Variants in METTL25 observed in about 807,000 individuals in gnomAD.
METTL25 encodes probable methyltransferase-like protein 25.
In METTL25, 64 loss-of-function variants were observed where a neutral mutation model predicts 71.6. The observed-to-expected ratio is 0.89, with a 90% CI of 0.73 to 1.10. METTL25 has a LOEUF of 1.10. Among genes scored for constraint, METTL25 ranks in the 50% least tolerant of loss-of-function variants. The probability of loss-of-function intolerance (pLI) is 0.00; values close to 1 mark genes in which losing one functional copy is unlikely to be tolerated. For missense variants in METTL25, 807 were observed against 707.0 expected, an observed-to-expected ratio of 1.14 and a Z score of -1.60; for synonymous variants, 287 against 250.3, an observed-to-expected ratio of 1.15 and a Z score of -1.38.
rs898530264 is a variant in METTL25, at chr12:82,477,753, A to G, written c.1719+401A>G. Among the ~76,000 whole-genome samples, 72 of 151,912 alleles carry G rather than the reference A, an allele frequency of 4.7e-4. 1 individual carries two copies. The highest frequency in any genetic ancestry group is 1.6e-3 in the African/African-American group (65 of 41,552). Reference sequence around the variant, plus strand: ...TGGCCATATGGATTCTGCAGAATAGAAACTTCTTTCTGATCAAGGAAGATT... The same window carrying G: ...TGGCCATATGGATTCTGCAGAATAGGAACTTCTTTCTGATCAAGGAAGATT... On this transcript the variant is annotated intron_variant, in intron 11 of 11. Transcript: ENST00000248306.
chr12:82,365,530 A>G (rs10219540), intron 1 of METTL25, among the ~76,000 whole-genome samples: 140,749 of 152,278 alleles, frequency 0.92, 65,368 homozygotes, highest in East Asian at 1. Flanking sequence ...TTAAGATTTC[A>G]TTATAGCTCC....
chr12:82,369,310 G>T, intron 1 of METTL25: 2 of 272,580 alleles, frequency 7.3e-6, no homozygotes, highest in Non-Finnish European at 7.3e-6. Context: ...GTGTGTCCTG[G>T]TGTGTAGGAT....
intron 1 of METTL25, among the ~76,000 whole-genome samples, chr12:82,375,752 GC>G: frequency 6.6e-6 from 1 of 152,256 alleles, no homozygotes; most frequent in African/African-American, 2.4e-5. Flanking sequence ...CTCTTTTATG[GC>G]CTTTATAATA....
intron 1 of METTL25, among the ~76,000 whole-genome samples, chr12:82,372,941 C>G (rs1883415091): frequency 6.6e-6 from 1 of 152,162 alleles, no homozygotes; most frequent in African/African-American, 2.4e-5. Flanking sequence ...CTCACCGACG[C>G]AGCAGCAGAA....
intron 8 of METTL25, among the ~76,000 whole-genome samples, chr12:82,444,223 A>C (rs758068935): frequency 8.5e-5 from 13 of 152,210 alleles, no homozygotes; most frequent in Non-Finnish European, 1.5e-4. Flanking sequence ...CAAACTTCTC[A>C]GTGGAAAATT....
intron 1 of METTL25, among the ~76,000 whole-genome samples, chr12:82,381,593 T>G (rs1884449496): frequency 1.3e-5 from 2 of 152,228 alleles, no homozygotes; most frequent in African/African-American, 4.8e-5. Flanking sequence ...ATATTCTATT[T>G]TCTTCCCTTG....
At chr12:82,446,656 G>T (rs542208746) in intron 8 of METTL25, among the ~76,000 whole-genome samples, 1 of 142,062 alleles carries the variant, frequency 7.0e-6, no homozygotes, top group African/African-American at 2.6e-5. Flanking sequence ...TCGCTCTGTC[G>T]CCCAGGCTGG....
At position 82,438,720 on chromosome 12, in the gene METTL25, G is replaced by T; in HGVS notation, c.1407G>T (p.Leu469=). The T allele has an allele frequency of 6.8e-7, 1 of 1,463,814 alleles. No individual in the cohort carries two copies. Among genetic ancestry groups the T allele is most frequent in the Non-Finnish European group, 9.1e-7 (1 of 1,100,690 alleles). 90.7% of individuals were successfully genotyped at this position (1,463,814 alleles called of 1,614,324 possible). A position where few individuals can be genotyped will look rare whatever the true frequency, so the allele number is the denominator to read the frequency against. Residue 469 remains leucine (L), a splice_region_variant and synonymous_variant, in exon 8 of 12, where the codon CTG becomes CTT. Transcript: ENST00000248306. ...ATATATGTCTACATTTTTTTCAGCT[G>T]CCTACTGAATCACTCTTCTATCGTG... ...ALERVAAGQG[L]PTESLFYRAV... is the part of the protein sequence containing the mutation.
chr12:82,441,084 T>C (rs1165423662), intron 8 of METTL25, among the ~76,000 whole-genome samples: 2 of 152,024 alleles, frequency 1.3e-5, no homozygotes, highest in African/African-American at 4.8e-5. Context: ...AGTAAACCAC[T>C]CATACTTTGA....
chr12:82,424,737 G>C (rs902545596), intron 5 of METTL25, among the ~76,000 whole-genome samples: 3 of 151,904 alleles, frequency 2.0e-5, no homozygotes, highest in African/African-American at 7.3e-5. Context: ...AGTTAAGATG[G>C]AGTCATCATA....
At chr12:82,424,346 T>C (rs1181659460) in intron 5 of METTL25, among the ~76,000 whole-genome samples, 2 of 150,860 alleles carry the variant, frequency 1.3e-5, no homozygotes, top group Non-Finnish European at 2.9e-5. Flanking sequence ...TGAGAACACT[T>C]GGACACAGGA....
chr12:82,374,695 G>T (rs1338674265), intron 1 of METTL25, among the ~76,000 whole-genome samples: 1 of 152,176 alleles, frequency 6.6e-6, no homozygotes, highest in African/African-American at 2.4e-5. Flanking sequence ...CATTCCAAGT[G>T]TATAGAACAG....
At chr12:82,469,266 C>T (rs1315590969) in intron 9 of METTL25, among the ~76,000 whole-genome samples, 2 of 152,064 alleles carry the variant, frequency 1.3e-5, no homozygotes, top group Non-Finnish European at 2.9e-5. Context: ...TGTTGAGAGA[C>T]CTTCTGTGTT....
At chr12:82,359,756 T>C (rs556558463) in intron 1 of METTL25, among the ~76,000 whole-genome samples, 9 of 152,354 alleles carry the variant, frequency 5.9e-5, no homozygotes, top group African/African-American at 2.2e-4. Context: ...ATTTTGGAAG[T>C]AGAATGATGG....
intron 3 of METTL25, among the ~76,000 whole-genome samples, chr12:82,390,159 A>G (rs772383809): frequency 6.6e-5 from 10 of 152,194 alleles, no homozygotes; most frequent in Non-Finnish European, 1.2e-4. Flanking sequence ...GTTTTGCCAC[A>G]CATTTCATTC....
intron 3 of METTL25, 45 bp from the exon 4 acceptor site, chr12:82,398,750 C>G: frequency 7.6e-7 from 1 of 1,319,048 alleles, no homozygotes; most frequent in South Asian, 2.2e-5. Context: ...TTTCTATTAC[C>G]ATTTGCCTAA....
At chr12:82,416,992 G>T (rs1006564159) in intron 5 of METTL25, among the ~76,000 whole-genome samples, 2 of 151,998 alleles carry the variant, frequency 1.3e-5, no homozygotes, top group African/African-American at 4.8e-5. Context: ...AAATTCTAAG[G>T]TGGGAAATGA....
At chr12:82,373,611 A>G (rs1202515185) in intron 1 of METTL25, among the ~76,000 whole-genome samples, 1 of 152,162 alleles carries the variant, frequency 6.6e-6, no homozygotes, top group Non-Finnish European at 1.5e-5. Context: ...GATAGATAGG[A>G]TAGATGAGTG....
chr12:82,414,109 A>G (rs990246414), intron 5 of METTL25, among the ~76,000 whole-genome samples: 2 of 152,188 alleles, frequency 1.3e-5, no homozygotes, highest in East Asian at 3.9e-4. Flanking sequence ...TGGCTAGTGT[A>G]GGTATTGTTC....
Sources: allele counts gnomAD v4.1 joint callset (sites outside exome capture counted in the v4.1 genomes callset), GRCh38; gene constraint gnomAD v4.1.1; transcripts MANE v1.5; gene names NCBI Gene and HGNC (gene_info 2026-07-23, HGNC 2026-07-21).